The following GREB1L variants were observed in gnomAD, a reference collection of about 807,000 sequenced individuals.
GREB1L encodes the protein GREB1-like protein.
In GREB1L, 17 loss-of-function variants were observed where a neutral mutation model predicts 200.8. That is an observed-to-expected ratio of 0.08 (90% CI 0.06 to 0.13). The LOEUF is 0.13. GREB1L is among the 10% of genes least tolerant of loss of function. The pLI is 1.00. For missense variants in GREB1L, 1,657 were observed against 2,367.7 expected (o/e 0.70, Z 6.23); for synonymous variants, 789 against 893.0 (o/e 0.88, Z 2.08).
At position 21,449,770 on chromosome 18, in the gene GREB1L, C is replaced by G; in HGVS notation, c.1654C>G (p.Pro552Ala). 1 of 1,550,726 alleles carries G rather than the reference C, an allele frequency of 6.4e-7. No individual in the cohort carries two copies. Among genetic ancestry groups the G allele is most frequent in the South Asian group, 1.2e-5 (1 of 83,864 alleles). ...LSEMRHYQRL[P>A]DYVVVICASK... Reference sequence around the variant, plus strand: ...TGAAATGAGACACTATCAAAGGCTGCCAGATTATGTGGTGGTAATTTGTGC... The same window carrying G: ...TGAAATGAGACACTATCAAAGGCTGGCAGATTATGTGGTGGTAATTTGTGC... The change falls in exon 12 of 33, where the codon CCA (proline) becomes GCA (alanine). Residue 552 changes from proline (P) to alanine (A), a missense_variant. Around this residue, in one of 9 missense-constraint regions of GREB1L, gnomAD observed 239 missense variants for 421.8 expected, o/e 0.57. Coordinates refer to ENST00000424526, the MANE Select transcript of GREB1L (RefSeq NM_001142966.3).
intron 1 of GREB1L, among the ~76,000 whole-genome samples, chr18:21,350,336 C>G (rs1176557755): frequency 6.6e-6 from 1 of 150,566 alleles, no homozygotes; most frequent in African/African-American, 2.4e-5. Context: ...CTCCTGGGTT[C>G]AAGTGAGTCT....
intron 18 of GREB1L, among the ~76,000 whole-genome samples, chr18:21,487,512 T>C (rs2036171370): frequency 6.6e-6 from 1 of 152,196 alleles, no homozygotes; most frequent in African/African-American, 2.4e-5. Flanking sequence ...ACTGAATACC[T>C]GAAGGGACCA....
Position 21,435,871 on chromosome 18 carries a change from G to A in GREB1L, c.833-3650G>A, listed in dbSNP as rs1172574025. 2.0e-5 allele frequency among the ~76,000 whole-genome samples: 3 copies of A among 152,140 alleles called. No individual in the cohort carries two copies. In the East Asian group the frequency reaches 5.8e-4, roughly 29 times the overall value. The stretch of plus-strand genomic sequence containing the variant: ...AGCTAGATCATTTTGGCTGTAATGC[G>A]TAAGAAGAAGACGAGATAGGAAAAC... On this transcript the variant is annotated intron_variant, in intron 7 of 32. Transcript: ENST00000424526.
rs561112611 is a variant in GREB1L at position 21,522,983 on chromosome 18, G to C, written c.*162G>C. Reference sequence around the variant, plus strand: ...CTCCCCAAATCTGATCCAGGTCTTTGGGGACATCACTTTCCTTCAGTTCCA... The same window carrying C: ...CTCCCCAAATCTGATCCAGGTCTTTCGGGACATCACTTTCCTTCAGTTCCA... On this transcript the variant is annotated 3_prime_UTR_variant, in exon 33 of 33. Transcript: ENST00000424526. The C allele has an allele frequency of 3.2e-6, 2 of 616,150 alleles. No homozygotes were observed. The highest frequency in any genetic ancestry group is 1.9e-5 in the African/African-American group (1 of 53,854). The allele number at this position is 616,150 out of a possible 1,614,324, so 38.2% of individuals were successfully genotyped here.
rs190791524 is a variant in GREB1L, at chr18:21,290,644, G to A, written c.-120+48251G>A. Among the ~76,000 whole-genome samples, 98 of 152,144 alleles carry A rather than the reference G, an allele frequency of 6.4e-4. No homozygotes were observed. In the Middle Eastern group the frequency reaches 0.017, roughly 26 times the overall value. On this transcript the variant is annotated intron_variant, in intron 1 of 32. Transcript: ENST00000424526. Reference sequence around the variant, plus strand: ...TTGAGACCAGCCTGGCCAACATGGCGAAGGCCCGTCTCTACTAAAAAATAC... The same window carrying A: ...TTGAGACCAGCCTGGCCAACATGGCAAAGGCCCGTCTCTACTAAAAAATAC...
chr18:21,455,458 G>A (rs1247300425), intron 15 of GREB1L, among the ~76,000 whole-genome samples: 2 of 152,088 alleles, frequency 1.3e-5, no homozygotes, highest in African/African-American at 4.8e-5. Flanking sequence ...AAGGCGGGTG[G>A]ATCACTTGAG....
rs1252322154 is a variant in GREB1L at position 21,524,150 on chromosome 18, C to T, written c.*1329C>T. 1.3e-5 allele frequency: 2 copies of T among 152,188 alleles called. No homozygotes were observed. The highest frequency in any genetic ancestry group is 4.8e-5 in the African/African-American group (2 of 41,444). The allele number at this position is 152,188 out of a possible 1,614,324, so 9.4% of individuals were successfully genotyped here. ...ACTACTTTATCCCCACTTAAAATGG[C>T]CATTTTTACTTGAATCAATCTTGTT... On this transcript the variant is annotated 3_prime_UTR_variant, in exon 33 of 33. Coordinates refer to ENST00000424526, the MANE Select transcript of GREB1L (RefSeq NM_001142966.3).
intron 7 of GREB1L, among the ~76,000 whole-genome samples, chr18:21,431,919 C>CTTTTTTTTTTTTT (rs773523492): frequency 3.3e-5 from 3 of 91,278 alleles, no homozygotes; most frequent in Non-Finnish European, 6.0e-5. Context: ...CTTTTCTTTT[C>CTTTTTTTTTTTTT]TTTTTTTTTT....
chr18:21,513,698 C>A lies in GREB1L; in HGVS notation c.4736-123C>A, dbSNP rs1174686846. The A allele has an allele frequency of 8.1e-6, 7 of 863,484 alleles. No individual in the cohort carries two copies. The East Asian group carries it at 1.6e-4, about 20-fold the overall frequency. The allele number at this position is 863,484 out of a possible 1,614,324, so 53.5% of individuals were successfully genotyped here. A position where few individuals can be genotyped will look rare whatever the true frequency, so the allele number is the denominator to read the frequency against. On this transcript the variant is annotated intron_variant, in intron 27 of 32. Transcript: ENST00000424526. ...CACTGCTCTGAACATTTGGTTGGCT[C>A]CCACCTGCATGGTTCCCATGTGAAC...
chr18:21,245,211 A>C (rs1291433145), intron 1 of GREB1L, among the ~76,000 whole-genome samples: 3 of 152,218 alleles, frequency 2.0e-5, no homozygotes, highest in Non-Finnish European at 4.4e-5. Flanking sequence ...GATTGCAAAA[A>C]GTGTTGATGT....
chr18:21,379,397 G>T (rs753484242), intron 2 of GREB1L, among the ~76,000 whole-genome samples: 4 of 152,030 alleles, frequency 2.6e-5, no homozygotes, highest in Admixed American at 6.6e-5. Flanking sequence ...GTAGAAAGCG[G>T]GTTTCTCCAT....
At chr18:21,468,112 A>G (rs528869018) in intron 15 of GREB1L, among the ~76,000 whole-genome samples, 6 of 152,320 alleles carry the variant, frequency 3.9e-5, no homozygotes, top group African/African-American at 1.4e-4. Context: ...AACATTATTC[A>G]TAATAGCAAA....
chr18:21,421,146 A>G (rs1213549098), intron 7 of GREB1L, among the ~76,000 whole-genome samples: 1 of 152,220 alleles, frequency 6.6e-6, no homozygotes, highest in Non-Finnish European at 1.5e-5. Context: ...AGGAATTACA[A>G]AGAGGTACAA....
intron 15 of GREB1L, among the ~76,000 whole-genome samples, chr18:21,465,898 A>G (rs1046741709): frequency 1.3e-5 from 2 of 152,136 alleles, no homozygotes; most frequent in Non-Finnish European, 2.9e-5. Context: ...CTTGATGCTA[A>G]TGTCCCTCTC....
intron 1 of GREB1L, among the ~76,000 whole-genome samples, chr18:21,307,448 A>G (rs73959833): frequency 0.011 from 1,606 of 152,318 alleles, 35 homozygotes; most frequent in African/African-American, 0.036. Flanking sequence ...TTTAAATTAG[A>G]GAGGTGGTCC....
At chr18:21,458,816 A>G (rs1218902217) in intron 15 of GREB1L, among the ~76,000 whole-genome samples, 2 of 152,220 alleles carry the variant, frequency 1.3e-5, no homozygotes, top group Non-Finnish European at 2.9e-5. Flanking sequence ...TTTATACTAT[A>G]GGAAATTATT....
chr18:21,382,585 G>A (rs191273278), intron 2 of GREB1L, among the ~76,000 whole-genome samples: 3,424 of 149,678 alleles, frequency 0.023, 136 homozygotes, highest in African/African-American at 0.081. Flanking sequence ...TCCGCCTCCC[G>A]GATTCAAGTG....
At chr18:21,380,654 G>C (rs1379522045) in intron 2 of GREB1L, 2 of 152,148 alleles carry the variant, frequency 1.3e-5, no homozygotes, top group South Asian at 4.1e-4. Context: ...TCAAGTTTTG[G>C]TTTTTTGTTT....
intron 25 of GREB1L, among the ~76,000 whole-genome samples, chr18:21,506,701 A>G (rs1217784468): frequency 1.3e-5 from 2 of 152,186 alleles, no homozygotes; most frequent in Non-Finnish European, 2.9e-5. Context: ...ATTTGCACCA[A>G]CCTAGTCATA....
Sources: gnomAD v4.1 joint callset for allele counts (sites outside exome capture counted in the v4.1 genomes callset) on GRCh38, gnomAD v4.1.1 for gene constraint, gnomAD v4.1.1 regional missense constraint, MANE v1.5 for transcripts, NCBI Gene and HGNC (gene_info 2026-07-23, HGNC 2026-07-21) for gene names.